The following SEMA5A variants were observed in gnomAD, a reference collection of about 807,000 sequenced individuals.
SEMA5A encodes semaphorin-5A.
A neutral mutation model predicts 135.5 loss-of-function variants in SEMA5A; 55 were observed. The observed-to-expected ratio is 0.41, with a 90% CI of 0.33 to 0.51. The LOEUF (loss-of-function observed/expected upper bound fraction) is 0.51, where lower values mean the gene tolerates loss of function less well. Ranked by LOEUF, SEMA5A falls within the 20% of genes least tolerant of loss-of-function variation. The pLI is 0.37. For missense variants in SEMA5A, 1,290 were observed against 1,419.9 expected (o/e 0.91, Z 1.47); for synonymous variants, 580 against 546.5 (o/e 1.06, Z -0.85).
chr5:9,390,800 C>T (rs576686899), intron 2 of SEMA5A: 52 of 152,116 alleles, frequency 3.4e-4, no homozygotes, highest in African/African-American at 1.2e-3. Context: ...ATATAAAAAT[C>T]AAAGATTTCA....
At chr5:9,309,032 C>T (rs1752000991) in intron 5 of SEMA5A, among the ~76,000 whole-genome samples, 1 of 152,098 alleles carries the variant, frequency 6.6e-6, no homozygotes, top group Non-Finnish European at 1.5e-5. Flanking sequence ...AACAGGAGTT[C>T]AGGCATTACT....
intron 5 of SEMA5A, among the ~76,000 whole-genome samples, chr5:9,287,274 A>G (rs986735236): frequency 2.6e-5 from 4 of 152,222 alleles, no homozygotes; most frequent in Non-Finnish European, 4.4e-5. Flanking sequence ...GGTTAATTGA[A>G]TATCTGTTAA....
intron 5 of SEMA5A, among the ~76,000 whole-genome samples, chr5:9,252,447 A>G (rs1748848008): frequency 6.6e-6 from 1 of 152,212 alleles, no homozygotes. Context: ...AGGTCAAGAC[A>G]AAGAACATGC....
chr5:9,247,364 G>A (rs1748536142), intron 5 of SEMA5A, among the ~76,000 whole-genome samples: 1 of 152,122 alleles, frequency 6.6e-6, no homozygotes, highest in Non-Finnish European at 1.5e-5. Context: ...CAATATTGAT[G>A]TAAATATATG....
intron 5 of SEMA5A, among the ~76,000 whole-genome samples, chr5:9,299,220 G>C (rs13361208): frequency 0.14 from 21,351 of 152,144 alleles, 1,602 homozygotes; most frequent in South Asian, 0.19. Flanking sequence ...AATCCTGTTG[G>C]AATGGGGAAT....
intron 12 of SEMA5A, among the ~76,000 whole-genome samples, chr5:9,154,093 A>ATATATGTGTGTGTGTG (rs372321939): frequency 2.0e-3 from 149 of 73,386 alleles, no homozygotes; most frequent in East Asian, 8.7e-3. Flanking sequence ...ATATATATAT[A>ATATATGTGTGTGTGTG]TGTGTGTGTG....
chr5:9,451,050 C>T (rs144186465), intron 1 of SEMA5A, among the ~76,000 whole-genome samples: 205 of 152,298 alleles, frequency 1.3e-3, no homozygotes, highest in African/African-American at 3.9e-3. Context: ...TAAAGTCAGA[C>T]TACAGCAGTT....
chr5:9,303,105 C>CAT (rs1287780408), intron 5 of SEMA5A, among the ~76,000 whole-genome samples: 19 of 149,968 alleles, frequency 1.3e-4, no homozygotes, highest in East Asian at 9.8e-4. Flanking sequence ...CATACACACA[C>CAT]ATATATATAT....
chr5:9,508,243 C>T (rs1186591958), intron 1 of SEMA5A, among the ~76,000 whole-genome samples: 2 of 152,126 alleles, frequency 1.3e-5, no homozygotes, highest in Non-Finnish European at 2.9e-5. Flanking sequence ...ATGGATTGAG[C>T]AAGATGCCAG....
At chr5:9,077,125 C>T (rs944909325) in intron 16 of SEMA5A, among the ~76,000 whole-genome samples, 1 of 152,072 alleles carries the variant, frequency 6.6e-6, no homozygotes, top group African/African-American at 2.4e-5. Flanking sequence ...CCATCCAATC[C>T]TCTGCAAAAC....
intron 12 of SEMA5A, among the ~76,000 whole-genome samples, chr5:9,150,241 T>TG (rs1560964036): frequency 6.6e-6 from 1 of 152,196 alleles, no homozygotes; most frequent in East Asian, 1.9e-4. Flanking sequence ...CTGTTACTCA[T>TG]GGTACTCATA....
In SEMA5A at chr5:9,108,129, A is replaced by AGGCT; in HGVS notation, c.2073+7_2073+10dup. 6.2e-7 allele frequency: 1 copy of AGGCT among 1,612,552 alleles called. No individual in the cohort carries two copies. Among genetic ancestry groups the AGGCT allele is most frequent in the Non-Finnish European group, 8.5e-7 (1 of 1,179,052 alleles). On this transcript the variant is annotated intron_variant, in intron 16 of 22. Transcript: ENST00000382496. ...GGATTGTGGGCTGGGTGTGAGAAGA[A>AGGCT]GGCTACTCACCACATTGCAGCCTGC...
intron 21 of SEMA5A, among the ~76,000 whole-genome samples, chr5:9,047,350 G>A (rs756870025): frequency 1.1e-4 from 16 of 152,192 alleles, no homozygotes; most frequent in Non-Finnish European, 2.4e-4. Context: ...ACATCTTTAT[G>A]ATGATTATAT....
intron 2 of SEMA5A, among the ~76,000 whole-genome samples, chr5:9,415,984 A>G (rs1757270869): frequency 6.6e-6 from 1 of 152,230 alleles, no homozygotes; most frequent in Admixed American, 6.5e-5. Context: ...GGCAGCTTTA[A>G]AGTCGCACTC....
chr5:9,172,571 AAATT>A (rs1743983715), intron 11 of SEMA5A, among the ~76,000 whole-genome samples: 1 of 152,200 alleles, frequency 6.6e-6, no homozygotes, highest in African/African-American at 2.4e-5. Context: ...GGCATTCAAA[AAATT>A]AATTACTAAA....
intron 8 of SEMA5A, among the ~76,000 whole-genome samples, chr5:9,221,624 A>G (rs1426682845): frequency 6.6e-6 from 1 of 152,180 alleles, no homozygotes; most frequent in East Asian, 1.9e-4. Flanking sequence ...TTCTGAAATC[A>G]TGAGTCATCA....
intron 16 of SEMA5A, among the ~76,000 whole-genome samples, chr5:9,078,795 G>T (rs1738211215): frequency 6.6e-6 from 1 of 151,962 alleles, no homozygotes; most frequent in Non-Finnish European, 1.5e-5. Context: ...GGCAGACATA[G>T]GGTAAAGCCA....
At chr5:9,526,521 T>A (rs60264770) in intron 1 of SEMA5A, among the ~76,000 whole-genome samples, 41 of 152,180 alleles carry the variant, frequency 2.7e-4, no homozygotes, top group Non-Finnish European at 5.4e-4. Context: ...AATTATCTAC[T>A]TAGAGAGACT....
rs866617415 is a variant in SEMA5A at position 9,043,734 on chromosome 5, C to A, written c.3105+639G>T. Reference sequence around the variant, plus strand: ...TTAAAGACTGGACAGCTGTCCGTACCTTCAACGTCCTTTATCTTCATGAGA... The same window carrying A: ...TTAAAGACTGGACAGCTGTCCGTACATTCAACGTCCTTTATCTTCATGAGA... On this transcript the variant is annotated intron_variant, in intron 22 of 22. Coordinates refer to ENST00000382496, the MANE Select transcript of SEMA5A (RefSeq NM_003966.3). Among the ~76,000 whole-genome samples, 3 of 152,158 alleles carry A rather than the reference C, an allele frequency of 2.0e-5. No individual in the cohort carries two copies. In the South Asian group the frequency reaches 6.2e-4, roughly 32 times the overall value.
Sources: allele counts gnomAD v4.1 joint callset (sites outside exome capture counted in the v4.1 genomes callset), GRCh38; gene constraint gnomAD v4.1.1; transcripts MANE v1.5; gene names NCBI Gene and HGNC (gene_info 2026-07-23, HGNC 2026-07-21).